PCDHGA2: variants seen among roughly 807,000 people sequenced by gnomAD.
PCDHGA2 encodes protocadherin gamma subfamily A, 2.
Under a neutral mutation model 59.2 loss-of-function variants are expected in PCDHGA2, and 40 were observed. That is an observed-to-expected ratio of 0.68 (90% CI 0.52 to 0.88). The LOEUF is 0.88. Ranked by LOEUF, PCDHGA2 falls within the 40% of genes least tolerant of loss-of-function variation. The pLI is 0.00. For synonymous variants in PCDHGA2, 560 were observed against 526.0 expected, an observed-to-expected ratio of 1.06 and a Z score of -0.89; for missense variants, 1,226 against 1,204.0, an observed-to-expected ratio of 1.02 and a Z score of -0.27.
chr5:141,455,737 A>T (rs1290390106), intron 1 of PCDHGA2, among the ~76,000 whole-genome samples: 1 of 152,162 alleles, frequency 6.6e-6, no homozygotes, highest in Non-Finnish European at 1.5e-5. Context: ...TTTGCATATC[A>T]AAGGTTGCTG....
chr5:141,366,754 T>G (rs752520997), intron 1 of PCDHGA2: 1 of 1,607,154 alleles, frequency 6.2e-7, no homozygotes. Context: ...GAGTTCAGGT[T>G]AGTTTTCTCT....
intron 1 of PCDHGA2, among the ~76,000 whole-genome samples, chr5:141,373,138 T>A (rs1047353742): frequency 6.6e-6 from 1 of 152,246 alleles, no homozygotes; most frequent in South Asian, 2.1e-4. Flanking sequence ...TCCTCACAAT[T>A]AAGTGGTTTA....
chr5:141,472,230 C>T (rs1274096264), intron 1 of PCDHGA2, among the ~76,000 whole-genome samples: 1 of 152,116 alleles, frequency 6.6e-6, no homozygotes, highest in Non-Finnish European at 1.5e-5. Flanking sequence ...TCATATAATA[C>T]ATTCACTTTC....
Position 141,511,628 on chromosome 5 carries a change from G to C in PCDHGA2, c.*455G>C, listed in dbSNP as rs4912608. 0.2 allele frequency: 46,780 copies of C among 231,598 alleles called. 5,185 individuals are homozygous for C. The highest frequency in any genetic ancestry group is 0.32 in the Admixed American group (6,204 of 19,590). The allele number at this position is 231,598 out of a possible 1,614,324, so 14.3% of individuals were successfully genotyped here. A position where few individuals can be genotyped will look rare whatever the true frequency, so the allele number is the denominator to read the frequency against. On this transcript the variant is annotated 3_prime_UTR_variant, in exon 4 of 4. Transcript: ENST00000394576. ...CAAGCCTCCTAGTTCTGAAAAGTTG[G>C]AAGGGCATCATGACCTCTTGGCCTC...
At chr5:141,454,203 T>C (rs981646952) in intron 1 of PCDHGA2, among the ~76,000 whole-genome samples, 2 of 152,148 alleles carry the variant, frequency 1.3e-5, no homozygotes, top group African/African-American at 4.8e-5. Flanking sequence ...GGTGAATTTA[T>C]TGACATGAAT....
intron 1 of PCDHGA2, among the ~76,000 whole-genome samples, chr5:141,444,372 T>C (rs967151811): frequency 6.6e-6 from 1 of 151,998 alleles, no homozygotes. Context: ...GGTTTCTCCA[T>C]GTTGGTCAGG....
In PCDHGA2 at chr5:141,339,357, A is replaced by G. The variant is rs758863582; in HGVS notation, c.386A>G (p.Asn129Ser). Reference sequence around the variant, plus strand: ...GTGGAAATAACAGATATTAACGATAATGCCCCTCGCTTTGGAGTAGAGGAA... The same window carrying G: ...GTGGAAATAACAGATATTAACGATAGTGCCCCTCGCTTTGGAGTAGAGGAA... ...VEVEITDINDNAPRFGVEELE... is the reference protein window; with the variant it reads ...VEVEITDINDSAPRFGVEELE... The change falls in exon 1 of 4, where the codon AAT (asparagine) becomes AGT (serine). Residue 129 changes from asparagine to serine, a missense_variant. Coordinates refer to ENST00000394576, the MANE Select transcript of PCDHGA2 (RefSeq NM_018915.4). 4 of 1,614,140 alleles carry G rather than the reference A, an allele frequency of 2.5e-6. No homozygotes were observed. The highest frequency in any genetic ancestry group is 3.4e-6 in the Non-Finnish European group (4 of 1,179,964).
chr5:141,369,396 G>A (rs1561544018), intron 1 of PCDHGA2, among the ~76,000 whole-genome samples: 1 of 152,160 alleles, frequency 6.6e-6, no homozygotes, highest in East Asian at 1.9e-4. Context: ...TTGGGCCAGG[G>A]TGGTTCATGA....
intron 1 of PCDHGA2, chr5:141,378,226 T>C (rs1774724615): frequency 6.6e-6 from 1 of 152,206 alleles, no homozygotes; most frequent in Admixed American, 6.5e-5. Context: ...TGCCTGATAG[T>C]ATTTAAGAGT....
At chr5:141,502,887 G>T (rs2099816882) in intron 2 of PCDHGA2, among the ~76,000 whole-genome samples, 1 of 40,910 alleles carries the variant, frequency 2.4e-5, no homozygotes, top group Non-Finnish European at 4.5e-5. Context: ...TTTTGACAGG[G>T]AGTCTAGCTC....
chr5:141,374,160 C>T, intron 1 of PCDHGA2: 1 of 1,612,164 alleles, frequency 6.2e-7, no homozygotes, highest in Non-Finnish European at 8.5e-7. Context: ...CTGTGGGGGG[C>T]CGCGGCAGCG....
chr5:141,417,634 G>A, intron 1 of PCDHGA2: 1 of 721,778 alleles, frequency 1.4e-6, no homozygotes, highest in Non-Finnish European at 2.1e-6. Context: ...GCTGACGCCG[G>A]GGATCCCTCA....
Position 141,432,442 on chromosome 5 carries a change from G to A in PCDHGA2, c.2425-62365G>A. 1 of 1,614,228 alleles carries A rather than the reference G, an allele frequency of 6.2e-7. No individual in the cohort carries two copies. Among genetic ancestry groups the A allele is most frequent in the Non-Finnish European group, 8.5e-7 (1 of 1,180,042 alleles). On this transcript the variant is annotated intron_variant, in intron 1 of 3. Transcript: ENST00000394576. The surrounding 1 kb of genome is among the most constrained non-coding windows in gnomAD (Gnocchi z 6.0). ...TGGACCAGAACGACAATGCGCCCGA[G>A]ATCCTGTACCCCGCCCTCCCCACGG...
intron 1 of PCDHGA2, chr5:141,375,538 C>T: frequency 6.2e-7 from 1 of 1,614,018 alleles, no homozygotes; most frequent in Non-Finnish European, 8.5e-7. Context: ...ACCAGAACGC[C>T]CAAGTCTCCT....
chr5:141,449,475 C>T (rs1351574160), intron 1 of PCDHGA2, among the ~76,000 whole-genome samples: 8 of 150,696 alleles, frequency 5.3e-5, no homozygotes, highest in African/African-American at 1.9e-4. Flanking sequence ...GGCCTGGTAC[C>T]CCATGCCTAA....
chr5:141,385,588 A>G (rs1290476871), intron 1 of PCDHGA2: 11 of 1,258,860 alleles, frequency 8.7e-6, no homozygotes, highest in East Asian at 3.3e-5. Context: ...CTATGTTCCA[A>G]CCTACTTTCT....
rs756423770 is a variant in PCDHGA2 at position 141,430,950 on chromosome 5, T to G, written c.2425-63857T>G. 8 of 1,609,862 alleles carry G rather than the reference T, an allele frequency of 5.0e-6. No individual in the cohort carries two copies. The East Asian group carries it at 1.6e-4, about 31-fold the overall frequency. On this transcript the variant is annotated intron_variant, in intron 1 of 3. Coordinates refer to ENST00000394576, the MANE Select transcript of PCDHGA2 (RefSeq NM_018915.4). ...CCCCGGGAGCTCGCGGAGCGCGGAG[T>G]CCGCATCATCCCCAGAGGTAGGACG...
rs182004159 is a variant in PCDHGA2, at chr5:141,355,552, C to A, written c.2424+14157C>A. On this transcript the variant is annotated intron_variant, in intron 1 of 3. Transcript: ENST00000394576. ...TCTAGAAGATACAGTGAAGATTTTG[C>A]GGGTAGAGGTGGAAATAATCGATGT... The A allele has an allele frequency of 3.6e-5, 58 of 1,613,938 alleles. No individual in the cohort carries two copies. In the East Asian group the frequency reaches 1.2e-3, roughly 33 times the overall value.
At chr5:141,445,575 G>A (rs571896159) in intron 1 of PCDHGA2, among the ~76,000 whole-genome samples, 18 of 152,262 alleles carry the variant, frequency 1.2e-4, no homozygotes, top group African/African-American at 4.3e-4. Flanking sequence ...CTTATAGTAG[G>A]GAAGCTTCGC....
Sources: allele counts gnomAD v4.1 joint callset (sites outside exome capture counted in the v4.1 genomes callset), GRCh38; gene constraint gnomAD v4.1.1; non-coding constraint Gnocchi (gnomAD v3.1); transcripts MANE v1.5; gene names NCBI Gene and HGNC (gene_info 2026-07-23, HGNC 2026-07-21).